MTCL1: variants seen among roughly 807,000 people sequenced by gnomAD.
The protein encoded by MTCL1 is microtubule crosslinking factor 1.
Under a neutral mutation model 141.4 loss-of-function variants are expected in MTCL1, and 79 were observed. That is an observed-to-expected ratio of 0.56 (90% CI 0.47 to 0.67). MTCL1 has a LOEUF of 0.67. MTCL1 is among the 30% of genes least tolerant of loss of function. The pLI is 0.00. For missense variants in MTCL1, 2,177 were observed against 2,113.9 expected (o/e 1.03, Z -0.59); for synonymous variants, 914 against 875.8 (o/e 1.04, Z -0.77).
chr18:8,770,744 T>C (rs2096482094), intron 4 of MTCL1, among the ~76,000 whole-genome samples: 1 of 152,164 alleles, frequency 6.6e-6, no homozygotes, highest in South Asian at 2.1e-4. Context: ...TTAATATCAT[T>C]ATCATCACTG....
chr18:8,763,988 G>T (rs149444904), intron 4 of MTCL1, among the ~76,000 whole-genome samples: 2 of 152,142 alleles, frequency 1.3e-5, no homozygotes, highest in South Asian at 4.1e-4. Flanking sequence ...TGAAGTTAGG[G>T]TTCTAAATTC....
chr18:8,731,451 G>A (rs191266621), intron 4 of MTCL1, among the ~76,000 whole-genome samples: 32 of 151,834 alleles, frequency 2.1e-4, no homozygotes, highest in Non-Finnish European at 4.3e-4. Flanking sequence ...GCAGGCGTCT[G>A]TAATCCCAGC....
At chr18:8,769,795 G>A (rs1405454700) in intron 4 of MTCL1, among the ~76,000 whole-genome samples, 3 of 152,164 alleles carry the variant, frequency 2.0e-5, no homozygotes, top group Non-Finnish European at 2.9e-5. Context: ...GTGTCTCAAT[G>A]TAATTTTCCT....
chr18:8,757,548 T>C (rs2096408270), intron 4 of MTCL1, among the ~76,000 whole-genome samples: 1 of 152,190 alleles, frequency 6.6e-6, no homozygotes, highest in African/African-American at 2.4e-5. Context: ...TGTCATCGTG[T>C]GAGCATCTGC....
chr18:8,789,232 A>G (rs970716088), intron 7 of MTCL1, among the ~76,000 whole-genome samples: 3 of 152,200 alleles, frequency 2.0e-5, no homozygotes, highest in African/African-American at 4.8e-5. Flanking sequence ...TGCCAGCCAC[A>G]AGGAAGTTAC....
chr18:8,798,765 TAAAG>T (rs1243837412), intron 10 of MTCL1, among the ~76,000 whole-genome samples: 1 of 152,188 alleles, frequency 6.6e-6, no homozygotes, highest in Non-Finnish European at 1.5e-5. Context: ...AATTAATGTA[TAAAG>T]AGAGGTGAGA....
At chr18:8,829,140 C>G in intron 16 of MTCL1, 1 of 985,486 alleles carries the variant, frequency 1.0e-6, no homozygotes. Flanking sequence ...GCCAGAGACT[C>G]ATCTGCTCTG....
chr18:8,709,190 G>T (rs1211598469), intron 1 of MTCL1, among the ~76,000 whole-genome samples: 2 of 132,144 alleles, frequency 1.5e-5, no homozygotes, highest in African/African-American at 4.9e-5. Flanking sequence ...TATTTTTTCC[G>T]TTTTTTGTGG....
exon 15 of MTCL1, chr18:8,826,124 G>A: frequency 6.2e-7 from 1 of 1,613,268 alleles, no homozygotes. Context: ...ACAAGAAGCT[G>A]CTGGAACATG....
chr18:8,828,971 GCTTC>G lies in MTCL1; in HGVS notation c.*18+15_*18+18del, dbSNP rs755909657. ...GCCCTGCCCGCCTCACGCTGTAAGT[GCTTC>G]CTTCCTTGTTTCCCAACTGTCTGGA... On this transcript the variant is annotated splice_region_variant and intron_variant, in intron 16 of 16. Coordinates refer to ENST00000359865, the Ensembl canonical transcript of MTCL1. This position sits in a 1 kb window ranked among gnomAD's most constrained non-coding sequence, Gnocchi z 5.2. 1 of 1,614,180 alleles carries G rather than the reference GCTTC, an allele frequency of 6.2e-7. No homozygotes were observed. Among genetic ancestry groups the G allele is most frequent in the East Asian group, 2.2e-5 (1 of 44,888 alleles).
chr18:8,804,381 G>A (rs1307108302), intron 10 of MTCL1, among the ~76,000 whole-genome samples: 2 of 151,064 alleles, frequency 1.3e-5, no homozygotes, highest in African/African-American at 4.9e-5. Context: ...TCAGCCTCCT[G>A]AGTAGTTGGG....
At chr18:8,750,902 C>T (rs1213632438) in intron 4 of MTCL1, among the ~76,000 whole-genome samples, 2 of 152,180 alleles carry the variant, frequency 1.3e-5, no homozygotes, top group African/African-American at 4.8e-5. Flanking sequence ...GTGAGGCCTG[C>T]AGTTGCCTTC....
chr18:8,799,088 G>T (rs377137417), intron 10 of MTCL1, among the ~76,000 whole-genome samples: 2 of 152,188 alleles, frequency 1.3e-5, no homozygotes, highest in African/African-American at 4.8e-5. Flanking sequence ...GGCTGAGGGC[G>T]CAGGGGCAGG....
At chr18:8,756,459 A>C (rs1415426186) in intron 4 of MTCL1, among the ~76,000 whole-genome samples, 1 of 142,898 alleles carries the variant, frequency 7.0e-6, no homozygotes, top group Admixed American at 6.8e-5. Context: ...ATATGTGTAT[A>C]TATGTGTATA....
Position 8,786,110 on chromosome 18 carries a change from T to TC in MTCL1, c.1887+30dup, listed in dbSNP as rs747807625. The TC allele has an allele frequency of 3.3e-3, 4,292 of 1,309,106 alleles. 12 individuals are homozygous for TC. Among genetic ancestry groups the TC allele is most frequent in the East Asian group, 0.012 (397 of 33,206 alleles). 81.1% of individuals were successfully genotyped at this position (1,309,106 alleles called of 1,614,324 possible). A position where few individuals can be genotyped will look rare whatever the true frequency, so the allele number is the denominator to read the frequency against. ...CCTGGAGGTCAGCGTGGGCAAGCAA[T>TC]CCCCCCCCCCCGCCCTCCCCCTCCT... On this transcript the variant is annotated intron_variant, in intron 7 of 16. Coordinates refer to ENST00000359865, the Ensembl canonical transcript of MTCL1.
intron 14 of MTCL1, 101 bp from the exon 14 acceptor site, chr18:8,824,598 G>A: frequency 1.0e-6 from 1 of 962,184 alleles, no homozygotes. Context: ...GTGGCAGCGG[G>A]TGCCTTCACT....
chr18:8,768,136 G>A (rs1194063648), intron 4 of MTCL1, among the ~76,000 whole-genome samples: 1 of 152,144 alleles, frequency 6.6e-6, no homozygotes, highest in East Asian at 1.9e-4. Flanking sequence ...GTTCTGTAGT[G>A]AAAACACCTG....
intron 11 of MTCL1, chr18:8,809,667 G>C (rs1261718719): frequency 6.8e-7 from 1 of 1,480,752 alleles, no homozygotes; most frequent in Non-Finnish European, 9.0e-7. Context: ...CTGGTGGCCG[G>C]TTCATGAGAC....
chr18:8,715,864 T>C (rs2096125477), upstream of MTCL1, among the ~76,000 whole-genome samples: 1 of 152,176 alleles, frequency 6.6e-6, no homozygotes, highest in African/African-American at 2.4e-5. Flanking sequence ...AACCTCCTGT[T>C]TGTGGAAGGT....
Sources: allele counts gnomAD v4.1 joint callset (sites outside exome capture counted in the v4.1 genomes callset), GRCh38; gene constraint gnomAD v4.1.1; non-coding constraint Gnocchi (gnomAD v3.1); transcripts MANE v1.5; gene names NCBI Gene and HGNC (gene_info 2026-07-23, HGNC 2026-07-21).